The following LRAT variants were observed in gnomAD, a reference collection of about 807,000 sequenced individuals.
LRAT encodes the protein lecithin retinol acyltransferase (phosphatidylcholine--retinol O-acyltransferase).
A neutral mutation model predicts 14.2 loss-of-function variants in LRAT; 11 were observed. That is an observed-to-expected ratio of 0.78 (90% CI 0.49 to 1.29). LRAT has a LOEUF of 1.29. LRAT is among the 50% of genes most tolerant of loss of function. The pLI is 0.00. For synonymous variants in LRAT, 144 were observed against 124.8 expected, an observed-to-expected ratio of 1.15 and a Z score of -1.03; for missense variants, 274 against 292.4, an observed-to-expected ratio of 0.94 and a Z score of 0.46.
In LRAT at chr4:154,747,609, G is replaced by T. The variant is rs549899422; in HGVS notation, c.541-1375G>T. On this transcript the variant is annotated intron_variant, in intron 2 of 2. Coordinates refer to ENST00000336356, the MANE Select transcript of LRAT (RefSeq NM_004744.5). The stretch of plus-strand genomic sequence containing the variant: ...TTTTGAGAAAAATCTGCTTTTGTGG[G>T]AAATACAGTCGAAAATGATTCTGAT... Among the ~76,000 whole-genome samples, 11 of 152,152 alleles carry T rather than the reference G, an allele frequency of 7.2e-5. No individual in the cohort carries two copies. In the South Asian group the frequency reaches 2.3e-3, roughly 32 times the overall value.
At chr4:154,743,750 A>G (rs1033563770), upstream of LRAT, among the ~76,000 whole-genome samples, 78 of 151,786 alleles carry the variant, frequency 5.1e-4, no homozygotes, top group African/African-American at 1.8e-3. Context: ...TTGGGACTCT[A>G]CCTCCCTAAA....
chr4:154,749,265 T>A lies in LRAT; in HGVS notation c.*129T>A, dbSNP rs1177154465. ...ACTGTGTTCTGGATAAAAATGTGAT[T>A]AGGAATCACGCAAAGTGCTTACTGT... is the stretch of plus-strand genomic sequence containing the variant. On this transcript the variant is annotated 3_prime_UTR_variant, in exon 3 of 3. Coordinates refer to ENST00000336356, the MANE Select transcript of LRAT (RefSeq NM_004744.5). 1 of 1,079,250 alleles carries A rather than the reference T, an allele frequency of 9.3e-7. No homozygotes were observed. The highest frequency in any genetic ancestry group is 1.6e-5 in the African/African-American group (1 of 64,314). The allele number at this position is 1,079,250 out of a possible 1,614,324, so 66.9% of individuals were successfully genotyped here.
At chr4:154,741,697 T>G (rs913049561), upstream of LRAT, among the ~76,000 whole-genome samples, 1 of 152,194 alleles carries the variant, frequency 6.6e-6, no homozygotes, top group Non-Finnish European at 1.5e-5. Context: ...GCAAATCAGC[T>G]TGGCACTGCT....
intron 2 of LRAT, 91 bp downstream of exon 2, chr4:154,744,957 A>T: frequency 1.7e-6 from 2 of 1,157,176 alleles, no homozygotes; most frequent in Non-Finnish European, 2.6e-6. Context: ...TAGGGATCTA[A>T]TTCCTGGACA....
chr4:154,742,996 C>A (rs1002804429), upstream of LRAT, among the ~76,000 whole-genome samples: 2 of 152,068 alleles, frequency 1.3e-5, no homozygotes, highest in African/African-American at 4.8e-5. Flanking sequence ...GCGTTGGGAC[C>A]CCGCCGTTTT....
In LRAT at chr4:154,744,617, C is replaced by T. The variant is rs1431425293; in HGVS notation, c.291C>T (p.Leu97=). The T allele has an allele frequency of 6.2e-7, 1 of 1,614,196 alleles. No individual in the cohort carries two copies. The highest frequency in any genetic ancestry group is 1.1e-5 in the South Asian group (1 of 91,086). Residue 97 remains leucine (L), a synonymous_variant, in exon 2 of 3, where the codon CTC becomes CTT. Transcript: ENST00000336356. Reference sequence around the variant, plus strand: ...AGAAGGTGGTCTCCAACAAGCGTCTCATCCTGGGCGTTATTGTCAAAGTGG... The same window carrying T: ...AGAAGGTGGTCTCCAACAAGCGTCTTATCCTGGGCGTTATTGTCAAAGTGG... ...RTQKVVSNKR[L]ILGVIVKVAS...
chr4:154,750,926 C>T lies in LRAT; in HGVS notation c.*1790C>T, dbSNP rs1732977863. On this transcript the variant is annotated 3_prime_UTR_variant, in exon 3 of 3. Transcript: ENST00000336356. ...AGGCAGCAAAAACCACTGTCTGAAA[C>T]TAAATCTGTGTTCAAAGATGAAGAC... 1.3e-5 allele frequency: 2 copies of T among 152,246 alleles called. No individual in the cohort carries two copies. The highest frequency in any genetic ancestry group is 2.4e-5 in the African/African-American group (1 of 41,554). 9.4% of individuals were successfully genotyped at this position (152,246 alleles called of 1,614,324 possible).
intron 2 of LRAT, among the ~76,000 whole-genome samples, chr4:154,745,770 G>A (rs753949017): frequency 2.0e-5 from 3 of 152,056 alleles, no homozygotes; most frequent in Non-Finnish European, 2.9e-5. Flanking sequence ...CAGTAAGAGG[G>A]CCCCCCTGGT....
Position 154,744,187 on chromosome 4 carries a change from G to T in LRAT, c.-37G>T. The stretch of plus-strand genomic sequence containing the variant: ...TCCTTTGCCTTCCTCTCTCCTCAGC[G>T]GCCGTACTTTGCGCCGTACCTCACC... On this transcript the variant is annotated 5_prime_UTR_variant, in exon 1 of 3. Transcript: ENST00000336356. The T allele has an allele frequency of 1.2e-6, 1 of 852,202 alleles. No homozygotes were observed. Among genetic ancestry groups the T allele is most frequent in the Non-Finnish European group, 1.9e-6 (1 of 523,714 alleles). The allele number at this position is 852,202 out of a possible 1,614,324, so 52.8% of individuals were successfully genotyped here.
rs1732849341 is a variant in LRAT at position 154,744,827 on chromosome 4, C to T, written c.501C>T (p.Tyr167=). ...ACAACTGCGAGCACTTCGTGACCTA[C>T]TGCAGATATGGCACCCCGATCAGTC... ...LWNNCEHFVT[Y]CRYGTPISPQ... is the part of the protein sequence containing the mutation. Residue 167 remains tyrosine (Y), a synonymous_variant, in exon 2 of 3, where the codon TAC becomes TAT. Coordinates refer to ENST00000336356, the MANE Select transcript of LRAT (RefSeq NM_004744.5). 1 of 1,613,902 alleles carries T rather than the reference C, an allele frequency of 6.2e-7. No individual in the cohort carries two copies. The highest frequency in any genetic ancestry group is 1.7e-5 in the Admixed American group (1 of 60,022).
upstream of LRAT, among the ~76,000 whole-genome samples, chr4:154,741,882 C>T (rs1732774083): frequency 6.6e-6 from 1 of 152,166 alleles, no homozygotes; most frequent in Admixed American, 6.5e-5. Context: ...CCTCAAGTTC[C>T]CCAGGTGGAG....
chr4:154,743,229 T>A (rs1732803594), upstream of LRAT, among the ~76,000 whole-genome samples: 5 of 150,922 alleles, frequency 3.3e-5, no homozygotes, highest in Non-Finnish European at 7.4e-5. Flanking sequence ...CTCACGCCTG[T>A]AATCCCAGCG....
At chr4:154,746,140 C>A (rs1732881374) in intron 2 of LRAT, among the ~76,000 whole-genome samples, 1 of 152,188 alleles carries the variant, frequency 6.6e-6, no homozygotes, top group Admixed American at 6.5e-5. Context: ...TGGAAACTTT[C>A]TCAGCCTTCA....
chr4:154,741,675 G>A (rs1732770605), upstream of LRAT, among the ~76,000 whole-genome samples: 1 of 152,066 alleles, frequency 6.6e-6, no homozygotes, highest in Admixed American at 6.5e-5. Context: ...GGGGGAAAAA[G>A]AAAAATGAAA....
chr4:154,750,102 A>G lies in LRAT; in HGVS notation c.*966A>G, dbSNP rs190025555. 1 of 152,092 alleles carries G rather than the reference A, an allele frequency of 6.6e-6. No homozygotes were observed. The highest frequency in any genetic ancestry group is 2.4e-5 in the African/African-American group (1 of 41,432). 9.4% of individuals were successfully genotyped at this position (152,092 alleles called of 1,614,324 possible). A position where few individuals can be genotyped will look rare whatever the true frequency, so the allele number is the denominator to read the frequency against. On this transcript the variant is annotated 3_prime_UTR_variant, in exon 3 of 3. Coordinates refer to ENST00000336356, the MANE Select transcript of LRAT (RefSeq NM_004744.5). ...TTGAATTTGTAGTGTTAACTTGCAT[A>G]TATGTTATTGGATGGGTTGTCTTTT...
At chr4:154,748,634 T>A (rs574400336) in intron 2 of LRAT, among the ~76,000 whole-genome samples, 1 of 152,266 alleles carries the variant, frequency 6.6e-6, no homozygotes, top group African/African-American at 2.4e-5. Flanking sequence ...TAGAGACACC[T>A]CTTTGCTCAT....
At chr4:154,743,968 C>T, upstream of LRAT, 1 of 227,228 alleles carries the variant, frequency 4.4e-6, no homozygotes, top group South Asian at 7.3e-5. Flanking sequence ...CCCTCGACGG[C>T]CATAAAAAGT....
rs148389997 is a variant in LRAT at position 154,748,284 on chromosome 4, C to G, written c.541-700C>G. 359 of 980,680 alleles carry G rather than the reference C, an allele frequency of 3.7e-4. 3 individuals are homozygous for G. The African/African-American group carries it at 5.8e-3, about 16-fold the overall frequency. The allele number at this position is 980,680 out of a possible 1,614,324, so 60.7% of individuals were successfully genotyped here. Reference sequence around the variant, plus strand: ...CATTTGACTACTTGAGGTGACATAGCCAATAAGAGCTGGAGCCAGGACTCA... The same window carrying G: ...CATTTGACTACTTGAGGTGACATAGGCAATAAGAGCTGGAGCCAGGACTCA... On this transcript the variant is annotated intron_variant, in intron 2 of 2. Transcript: ENST00000336356.
In LRAT at chr4:154,744,824, C is replaced by T; in HGVS notation, c.498C>T (p.Thr166=). 1 of 1,613,914 alleles carries T rather than the reference C, an allele frequency of 6.2e-7. No individual in the cohort carries two copies. Residue 166 remains threonine (T), a synonymous_variant, in exon 2 of 3, where the codon ACC becomes ACT. Coordinates refer to ENST00000336356, the MANE Select transcript of LRAT (RefSeq NM_004744.5). ...GGAACAACTGCGAGCACTTCGTGAC[C>T]TACTGCAGATATGGCACCCCGATCA... ...LLWNNCEHFV[T]YCRYGTPISP...
Sources: gnomAD v4.1 joint callset for allele counts (sites outside exome capture counted in the v4.1 genomes callset) on GRCh38, gnomAD v4.1.1 for gene constraint, MANE v1.5 for transcripts, NCBI Gene and HGNC (gene_info 2026-07-23, HGNC 2026-07-21) for gene names.